ZNF267: variants seen among roughly 807,000 people sequenced by gnomAD.
ZNF267 encodes zinc finger protein 267, also known as zinc finger (C2H2).
Under a neutral mutation model 71.6 loss-of-function variants are expected in ZNF267, and 61 were observed. That is an observed-to-expected ratio of 0.85 (90% CI 0.69 to 1.05). The LOEUF (loss-of-function observed/expected upper bound fraction) is 1.05, where lower values mean the gene tolerates loss of function less well. Among genes scored for constraint, ZNF267 ranks in the 50% least tolerant of loss-of-function variants. The pLI is 0.00. For missense variants in ZNF267, 852 were observed against 870.0 expected (o/e 0.98, Z 0.26); for synonymous variants, 288 against 293.2 (o/e 0.98, Z 0.18).
chr16:31,893,025 A>C (rs2083971925), intron 3 of ZNF267, among the ~76,000 whole-genome samples: 1 of 152,246 alleles, frequency 6.6e-6, no homozygotes, highest in Admixed American at 6.5e-5. Context: ...TCCCTTCTGC[A>C]CTGCCCTAGC....
chr16:31,896,603 C>G lies in ZNF267; in HGVS notation c.226+11347C>G, dbSNP rs2084000986. 1.3e-5 allele frequency among the ~76,000 whole-genome samples: 2 copies of G among 152,172 alleles called. 1 individual carries two copies. Among genetic ancestry groups the G allele is most frequent in the Non-Finnish European group, 2.9e-5 (2 of 68,038 alleles). ...TCAGTTTGCTTTAGATGCATGAATG[C>G]ATTTTTTGGCTCAGCAGGCATATTG... On this transcript the variant is annotated intron_variant, in intron 3 of 3. Coordinates refer to ENST00000300870, the MANE Select transcript of ZNF267 (RefSeq NM_003414.6).
intron 3 of ZNF267, chr16:31,913,492 T>C (rs1326540057): frequency 6.6e-6 from 1 of 152,320 alleles, no homozygotes; most frequent in East Asian, 1.9e-4. Flanking sequence ...CTTAGGCCTC[T>C]ACAATCAGCA....
chr16:31,909,223 C>T (rs1455227854), intron 3 of ZNF267, among the ~76,000 whole-genome samples: 2 of 151,056 alleles, frequency 1.3e-5, no homozygotes, highest in Non-Finnish European at 3.0e-5. Flanking sequence ...CCTCCGCCTC[C>T]CGGGTTCAAG....
At position 31,905,702 on chromosome 16, in the gene ZNF267, G is replaced by A. The variant is rs192518347; in HGVS notation, c.227-8774G>A. On this transcript the variant is annotated intron_variant, in intron 3 of 3. Coordinates refer to ENST00000300870, the MANE Select transcript of ZNF267 (RefSeq NM_003414.6). ...AGCCATTCGTCTAATTTTTTTTCAA[G>A]GTTTTTAACTTCTTTGCCATGGGTT... Among the ~76,000 whole-genome samples, 45 of 152,100 alleles carry A rather than the reference G, an allele frequency of 3.0e-4. No homozygotes were observed. In the East Asian group the frequency reaches 7.9e-3, roughly 27 times the overall value.
intron 3 of ZNF267, among the ~76,000 whole-genome samples, chr16:31,904,448 T>A (rs2084070261): frequency 6.6e-6 from 1 of 152,268 alleles, no homozygotes; most frequent in African/African-American, 2.4e-5. Flanking sequence ...ACTACGGACT[T>A]GCTTTATGAA....
At chr16:31,880,406 G>C (rs2083881747) in intron 1 of ZNF267, among the ~76,000 whole-genome samples, 1 of 152,202 alleles carries the variant, frequency 6.6e-6, no homozygotes, top group Non-Finnish European at 1.5e-5. Context: ...TGTTACTGGA[G>C]TAGGGTAATC....
At chr16:31,914,290 G>A in intron 3 of ZNF267, 186 bp from the exon 4 acceptor site, 1 of 555,618 alleles carries the variant, frequency 1.8e-6, no homozygotes. Context: ...CACTGTTGGT[G>A]TCTTAGTAGT....
chr16:31,896,297 C>T (rs535417333), intron 3 of ZNF267, among the ~76,000 whole-genome samples: 87 of 152,282 alleles, frequency 5.7e-4, no homozygotes, highest in Non-Finnish European at 8.1e-4. Context: ...CAGGCATGAG[C>T]GAGCCACTGC....
At chr16:31,904,473 T>C (rs189315741) in intron 3 of ZNF267, among the ~76,000 whole-genome samples, 2 of 152,264 alleles carry the variant, frequency 1.3e-5, no homozygotes, top group Non-Finnish European at 2.9e-5. Context: ...GGTGCTCCTG[T>C]ATGGGGTACA....
At chr16:31,876,733 C>G (rs2142327413) in intron 1 of ZNF267, among the ~76,000 whole-genome samples, 1 of 152,324 alleles carries the variant, frequency 6.6e-6, no homozygotes, top group East Asian at 1.9e-4. Flanking sequence ...TTGCTTTCTT[C>G]CAACACTGGG....
At chr16:31,888,073 G>C (rs903957979) in intron 3 of ZNF267, among the ~76,000 whole-genome samples, 6 of 151,868 alleles carry the variant, frequency 4.0e-5, no homozygotes, top group Admixed American at 2.6e-4. Context: ...TTACTGGACA[G>C]ATCTTTCACT....
intron 3 of ZNF267, among the ~76,000 whole-genome samples, chr16:31,891,521 C>A (rs2083960143): frequency 6.6e-6 from 1 of 152,188 alleles, no homozygotes; most frequent in Non-Finnish European, 1.5e-5. Flanking sequence ...GTAGCTTCCA[C>A]AATTCCCACA....
chr16:31,899,839 A>G (rs2084025370), intron 3 of ZNF267, among the ~76,000 whole-genome samples: 3 of 152,188 alleles, frequency 2.0e-5, no homozygotes, highest in Non-Finnish European at 4.4e-5. Context: ...TAAATGATAT[A>G]CTCATATGAG....
chr16:31,893,790 C>A (rs1436654823), intron 3 of ZNF267, among the ~76,000 whole-genome samples: 2 of 152,192 alleles, frequency 1.3e-5, no homozygotes, highest in Non-Finnish European at 2.9e-5. Flanking sequence ...TATAGAACCA[C>A]AGATAGATTT....
intron 3 of ZNF267, among the ~76,000 whole-genome samples, chr16:31,901,799 T>C (rs1184642411): frequency 3.3e-5 from 5 of 152,248 alleles, no homozygotes; most frequent in Non-Finnish European, 5.9e-5. Context: ...TTTCATTTAA[T>C]TAGATCCCAT....
rs757799273 is a variant in ZNF267 at position 31,885,259 on chromosome 16, A to G, written c.226+3A>G. ...GGAGACAGTAGCCATCCAGCCAGGT[A>G]GGTGGGAGCGAATGAAGTAGATGAC... On this transcript the variant is annotated splice_donor_region_variant and intron_variant, in intron 3 of 3. Coordinates refer to ENST00000300870, the MANE Select transcript of ZNF267 (RefSeq NM_003414.6). 4 of 1,605,074 alleles carry G rather than the reference A, an allele frequency of 2.5e-6. No homozygotes were observed. Among genetic ancestry groups the G allele is most frequent in the African/African-American group, 2.7e-5 (2 of 74,580 alleles).
Position 31,885,818 on chromosome 16 carries a change from T to C in ZNF267, c.226+562T>C, listed in dbSNP as rs149956941. 4.5e-4 allele frequency among the ~76,000 whole-genome samples: 68 copies of C among 152,346 alleles called. 1 individual carries two copies. The South Asian group carries it at 8.7e-3, about 19-fold the overall frequency. Reference sequence around the variant, plus strand: ...TCTTCCCAAATCTAAGAAAATCTAATCTTATGTTTCACTTCAACTTCTCAT... The same window carrying C: ...TCTTCCCAAATCTAAGAAAATCTAACCTTATGTTTCACTTCAACTTCTCAT... On this transcript the variant is annotated intron_variant, in intron 3 of 3. Coordinates refer to ENST00000300870, the MANE Select transcript of ZNF267 (RefSeq NM_003414.6).
chr16:31,915,580 C>A lies in ZNF267; in HGVS notation c.1331C>A (p.Ala444Asp). The A allele has an allele frequency of 6.2e-7, 1 of 1,613,272 alleles. No homozygotes were observed. The highest frequency in any genetic ancestry group is 2.2e-5 in the East Asian group (1 of 44,834). ...TATAAATGTAAAGAATGTGGAAAAG[C>A]TTTTAACCGTAGTTCATGCCTTACT... Reference protein sequence around the residue: ...KPYKCKECGKAFNRSSCLTQH... With the variant: ...KPYKCKECGKDFNRSSCLTQH... The change falls in exon 4 of 4, where the codon GCT (alanine) becomes GAT (aspartate). Residue 444 changes from alanine to aspartate, a missense_variant. Ala to Asp is a moderately radical substitution (Grantham distance 126). Coordinates refer to ENST00000300870, the MANE Select transcript of ZNF267 (RefSeq NM_003414.6).
chr16:31,888,751 A>G (rs1046378065), intron 3 of ZNF267, among the ~76,000 whole-genome samples: 5 of 151,860 alleles, frequency 3.3e-5, no homozygotes, highest in Admixed American at 2.6e-4. Flanking sequence ...TTGTATCTTT[A>G]TAAGGAATAT....
Sources: gnomAD v4.1 joint callset for allele counts (sites outside exome capture counted in the v4.1 genomes callset) on GRCh38, gnomAD v4.1.1 for gene constraint, MANE v1.5 for transcripts, NCBI Gene and HGNC (gene_info 2026-07-23, HGNC 2026-07-21) for gene names.